SDR16C5: variants seen among roughly 807,000 people sequenced by gnomAD.
SDR16C5 encodes short chain dehydrogenase/reductase family 16C member 5, also known as epidermal retinol dehydrogenase 2.
SDR16C5 carries 20 observed loss-of-function variants against 27.7 expected under a neutral mutation model. That is an observed-to-expected ratio of 0.72 (90% CI 0.51 to 1.05). The LOEUF (loss-of-function observed/expected upper bound fraction) is 1.05, where lower values mean the gene tolerates loss of function less well. Ranked by LOEUF, SDR16C5 falls within the 50% of genes least tolerant of loss-of-function variation. The pLI is 0.00. For synonymous variants in SDR16C5, 139 were observed against 132.3 expected, an observed-to-expected ratio of 1.05 and a Z score of -0.35; for missense variants, 374 against 366.3, an observed-to-expected ratio of 1.02 and a Z score of -0.17.
Position 56,301,522 on chromosome 8 carries a change from A to G in SDR16C5, c.888T>C (p.Leu296=), listed in dbSNP as rs1431689927. 6.3e-5 allele frequency: 101 copies of G among 1,614,210 alleles called. No homozygotes were observed. The highest frequency in any genetic ancestry group is 8.5e-5 in the Non-Finnish European group (100 of 1,180,012). The part of the protein sequence containing the change: ...GLLIADYLGI[L]HAMDGFVDQK... ...GGTCAACAAAGCCATCCATTGCATG[A>G]AGGATGCCCAAATAGTCAGCTATAA... The change falls in exon 7 of 7, where the codon CTT becomes CTC. Residue 296 remains leucine (L), a synonymous_variant. Coordinates refer to ENST00000303749, the MANE Select transcript of SDR16C5 (RefSeq NM_138969.4).
chr8:56,312,253 G>C lies in SDR16C5; in HGVS notation c.369C>G (p.Ile123Met), dbSNP rs780920067. The change falls in exon 3 of 7, where the codon ATC becomes ATG. Residue 123 changes from isoleucine (I) to methionine (M), a missense_variant. Physicochemically the swap from Ile to Met is conservative, Grantham distance 10. Transcript: ENST00000303749. ...TGCCTGTTACGATTCCGGCATTGTTGATTAGGATGGAAACATCGCCGACTT... is the reference window on the plus strand; with the variant it reads ...TGCCTGTTACGATTCCGGCATTGTTCATTAGGATGGAAACATCGCCGACTT... ...KKEVGDVSIL[I>M]NNAGIVTGKK... 2.5e-6 allele frequency: 4 copies of C among 1,613,516 alleles called. No homozygotes were observed. The highest frequency in any genetic ancestry group is 3.4e-6 in the Non-Finnish European group (4 of 1,179,454).
At chr8:56,309,345 C>G (rs1814966198) in intron 3 of SDR16C5, 1 of 985,286 alleles carries the variant, frequency 1.0e-6, no homozygotes, top group Non-Finnish European at 1.2e-6. Context: ...AGCCACAACC[C>G]CAAACCTCAC....
intron 6 of SDR16C5, among the ~76,000 whole-genome samples, chr8:56,304,541 C>CT (rs112185986): frequency 1.5e-3 from 212 of 144,850 alleles, no homozygotes; most frequent in Middle Eastern, 0.01. Flanking sequence ...GTTTTTTGCA[C>CT]TTTTTTTTTT....
At chr8:56,319,680 ATAT>A (rs1815284456) in intron 1 of SDR16C5, among the ~76,000 whole-genome samples, 11 of 152,124 alleles carry the variant, frequency 7.2e-5, no homozygotes. Flanking sequence ...ATGGGGGTTG[ATAT>A]CCACCCGGAA....
rs755868705 is a variant in SDR16C5, at chr8:56,305,579, AG to A, written c.836+17del. The A allele has an allele frequency of 7.0e-6, 11 of 1,564,710 alleles. No individual in the cohort carries two copies. Among genetic ancestry groups the A allele is most frequent in the Non-Finnish European group, 7.7e-6 (9 of 1,163,702 alleles). Reference sequence around the variant, plus strand: ...TAGACTGGCATGTTAGGGAAGTAATAGAAGCTGATGTAATTACCTTTTAAGA... The same window carrying A: ...TAGACTGGCATGTTAGGGAAGTAATAAAGCTGATGTAATTACCTTTTAAGA... On this transcript the variant is annotated intron_variant, in intron 6 of 6. Coordinates refer to ENST00000303749, the MANE Select transcript of SDR16C5 (RefSeq NM_138969.4).
chr8:56,318,539 C>A (rs1219177982), intron 1 of SDR16C5, among the ~76,000 whole-genome samples: 2 of 152,148 alleles, frequency 1.3e-5, no homozygotes, highest in Non-Finnish European at 2.9e-5. Context: ...AAATCCACAC[C>A]AGGAGTAGTT....
At chr8:56,303,956 G>GC (rs1563437916) in intron 6 of SDR16C5, 5 of 702,776 alleles carry the variant, frequency 7.1e-6, no homozygotes, top group Non-Finnish European at 1.3e-5. Context: ...TAAAGGGCAC[G>GC]CTCAGAGTCA....
At chr8:56,318,542 G>A (rs1815256264) in intron 1 of SDR16C5, among the ~76,000 whole-genome samples, 2 of 152,148 alleles carry the variant, frequency 1.3e-5, no homozygotes. Flanking sequence ...TCCACACCAG[G>A]AGTAGTTGGT....
In SDR16C5 at chr8:56,307,701, T is replaced by C. The variant is rs529940099; in HGVS notation, c.566-881A>G. Among the ~76,000 whole-genome samples, 16 of 152,258 alleles carry C rather than the reference T, an allele frequency of 1.1e-4. No homozygotes were observed. In the South Asian group the frequency reaches 1.7e-3, roughly 16 times the overall value. On this transcript the variant is annotated intron_variant, in intron 4 of 6. Coordinates refer to ENST00000303749, the MANE Select transcript of SDR16C5 (RefSeq NM_138969.4). ...AGTCCAGAGCAGCTTCTAGGGTCAT[T>C]GGAGTCATCAGGTATAAATGCAGCT...
chr8:56,301,757 C>T (rs910156385), intron 6 of SDR16C5, among the ~76,000 whole-genome samples, 184 bp from the exon 7 acceptor site: 9 of 152,162 alleles, frequency 5.9e-5, no homozygotes, highest in Non-Finnish European at 7.3e-5. Flanking sequence ...CGGGGACACT[C>T]GCCCAGGGCC....
At chr8:56,315,290 T>A (rs975519982) in intron 2 of SDR16C5, among the ~76,000 whole-genome samples, 1 of 151,908 alleles carries the variant, frequency 6.6e-6, no homozygotes, top group Non-Finnish European at 1.5e-5. Flanking sequence ...CACGTGCCTC[T>A]ATGATGGTAA....
At chr8:56,301,600 C>A (rs896524751) in intron 6 of SDR16C5, 27 bp from the exon 7 acceptor site, 1 of 1,527,976 alleles carries the variant, frequency 6.5e-7, no homozygotes, top group Non-Finnish European at 9.1e-7. Context: ...AATAAACTTT[C>A]TTTATTATCA....
chr8:56,303,316 A>T (rs1814806655), intron 6 of SDR16C5, among the ~76,000 whole-genome samples: 2 of 98,350 alleles, frequency 2.0e-5, no homozygotes, highest in African/African-American at 9.0e-5. Context: ...TCCATCTTTA[A>T]AAAAAAAAAA....
At position 56,301,531 on chromosome 8, in the gene SDR16C5, C is replaced by T. The variant is rs1420456998; in HGVS notation, c.879G>A (p.Leu293=). 6.2e-7 allele frequency: 1 copy of T among 1,614,028 alleles called. No homozygotes were observed. The highest frequency in any genetic ancestry group is 1.3e-5 in the African/African-American group (1 of 74,918). The part of the protein sequence containing the change: ...LKTGLLIADY[L]GILHAMDGFV... ...AGCCATCCATTGCATGAAGGATGCCCAAATAGTCAGCTATAAGCAGTCCTG... is the reference window on the plus strand; with the variant it reads ...AGCCATCCATTGCATGAAGGATGCCTAAATAGTCAGCTATAAGCAGTCCTG... The change falls in exon 7 of 7, where the codon TTG becomes TTA. Residue 293 remains leucine, a synonymous_variant. Coordinates refer to ENST00000303749, the MANE Select transcript of SDR16C5 (RefSeq NM_138969.4).
intron 3 of SDR16C5, among the ~76,000 whole-genome samples, chr8:56,311,622 G>C (rs1449485481): frequency 6.6e-6 from 1 of 152,064 alleles, no homozygotes; most frequent in Non-Finnish European, 1.5e-5. Flanking sequence ...GTGGTAACCT[G>C]GGTTACCAGT....
At chr8:56,303,182 T>C (rs202117001) in intron 6 of SDR16C5, among the ~76,000 whole-genome samples, 1 of 151,734 alleles carries the variant, frequency 6.6e-6, no homozygotes, top group East Asian at 1.9e-4. Flanking sequence ...GGCATGGTGA[T>C]GGGCACCTGT....
In SDR16C5 at chr8:56,306,796, G is replaced by C. The variant is rs775221180; in HGVS notation, c.590C>G (p.Ala197Gly). Residue 197 changes from alanine to glycine, a missense_variant, in exon 5 of 7, where the codon GCC becomes GGC. Transcript: ENST00000303749. ...AAATACAGATTCAGCAAACCCAAAG[G>C]CTGCAAATTTACTTGCACAGTAATC... ...LADYCASKFAAFGFAESVFVE... is the reference protein window; with the variant it reads ...LADYCASKFAGFGFAESVFVE... 22 of 1,611,810 alleles carry C rather than the reference G, an allele frequency of 1.4e-5. No homozygotes were observed. Among genetic ancestry groups the C allele is most frequent in the Non-Finnish European group, 1.8e-5 (21 of 1,179,510 alleles).
At chr8:56,313,245 A>G (rs1286132227) in intron 2 of SDR16C5, among the ~76,000 whole-genome samples, 1 of 152,258 alleles carries the variant, frequency 6.6e-6, no homozygotes, top group African/African-American at 2.4e-5. Context: ...ATGATGGGAC[A>G]TAAGAATAGC....
Position 56,312,238 on chromosome 8 carries a change from G to C in SDR16C5, c.384C>G (p.Ile128Met). The change falls in exon 3 of 7, where the codon ATC (isoleucine) becomes ATG (methionine). Residue 128 changes from isoleucine to methionine, a missense_variant. By Grantham distance (10) the Ile-to-Met change is conservative. Transcript: ENST00000303749. ...DVSILINNAG[I>M]VTGKKFLDCP... ...AGTCAAGGAACTTTTTGCCTGTTAC[G>C]ATTCCGGCATTGTTGATTAGGATGG... 1 of 1,613,446 alleles carries C rather than the reference G, an allele frequency of 6.2e-7. No homozygotes were observed. Among genetic ancestry groups the C allele is most frequent in the Non-Finnish European group, 8.5e-7 (1 of 1,179,402 alleles).
Sources: gnomAD v4.1 joint callset for allele counts (sites outside exome capture counted in the v4.1 genomes callset) on GRCh38, gnomAD v4.1.1 for gene constraint, MANE v1.5 for transcripts, NCBI Gene and HGNC (gene_info 2026-07-23, HGNC 2026-07-21) for gene names.